Variants in DOCK7 observed in about 807,000 individuals in gnomAD.
DOCK7 encodes dedicator of cytokinesis 7.
DOCK7 carries 138 observed loss-of-function variants against 271.0 expected under a neutral mutation model. The observed-to-expected ratio is 0.51, with a 90% CI of 0.44 to 0.59. DOCK7 has a LOEUF of 0.59. DOCK7 is among the 20% of genes least tolerant of loss of function. The pLI, the probability that DOCK7 is intolerant of heterozygous loss-of-function variation, is 0.00. For missense variants in DOCK7, 2,066 were observed against 2,592.4 expected, an observed-to-expected ratio of 0.80 and a Z score of 4.41; for synonymous variants, 823 against 876.1, an observed-to-expected ratio of 0.94 and a Z score of 1.07.
chr1:62,552,662 C>T (rs1645947173), intron 22 of DOCK7, 70 bp downstream of exon 22: 3 of 1,441,310 alleles, frequency 2.1e-6, no homozygotes, highest in African/African-American at 1.4e-5. Flanking sequence ...GAATACATTA[C>T]AACAACTGGA....
chr1:62,487,350 G>A (rs1204177286), intron 43 of DOCK7, 48 bp downstream of exon 43: 1 of 1,581,856 alleles, frequency 6.3e-7, no homozygotes, highest in South Asian at 1.1e-5. Context: ...TAAGAAATCT[G>A]ATAAAATCAA....
chr1:62,545,121 A>G (rs566166357), intron 22 of DOCK7, 82 bp from the exon 23 acceptor site: 2 of 1,286,006 alleles, frequency 1.6e-6, no homozygotes, highest in East Asian at 2.6e-5. Flanking sequence ...AGAAATTCAG[A>G]TCTTCTAATG....
chr1:62,571,580 C>A (rs1449210755), intron 18 of DOCK7, among the ~76,000 whole-genome samples: 1 of 152,118 alleles, frequency 6.6e-6, no homozygotes, highest in Admixed American at 6.6e-5. Flanking sequence ...AGAAATCATT[C>A]TATTATAAAG....
At chr1:62,590,147 C>T (rs148663803) in intron 14 of DOCK7, among the ~76,000 whole-genome samples, 45 of 152,060 alleles carry the variant, frequency 3.0e-4, no homozygotes, top group South Asian at 6.2e-4. Flanking sequence ...AAAAATTCAA[C>T]GGGATTTAGC....
chr1:62,671,411 C>T (rs1464806009), intron 1 of DOCK7, among the ~76,000 whole-genome samples: 1 of 152,140 alleles, frequency 6.6e-6, no homozygotes, highest in Admixed American at 6.6e-5. Flanking sequence ...TACGAGAGCT[C>T]CTTCAGGGCA....
intron 25 of DOCK7, among the ~76,000 whole-genome samples, chr1:62,542,041 T>A (rs1021413610): frequency 3.3e-5 from 5 of 152,040 alleles, no homozygotes; most frequent in Admixed American, 6.6e-5. Context: ...TTAGCTAATT[T>A]AAAAAAAAAT....
chr1:62,625,738 C>T (rs1298583907), intron 11 of DOCK7, among the ~76,000 whole-genome samples: 2 of 152,194 alleles, frequency 1.3e-5, no homozygotes, highest in Middle Eastern at 3.2e-3. Flanking sequence ...AATCTTCCCT[C>T]AGTCTTAGCT....
chr1:62,456,473 TCAC>T (rs1645350871), intron 49 of DOCK7, among the ~76,000 whole-genome samples: 2 of 152,074 alleles, frequency 1.3e-5, no homozygotes, highest in Non-Finnish European at 2.9e-5. Flanking sequence ...TACAAAGAGA[TCAC>T]ATTGGCTTCA....
At chr1:62,639,034 T>C (rs942593988) in intron 7 of DOCK7, among the ~76,000 whole-genome samples, 3 of 152,160 alleles carry the variant, frequency 2.0e-5, no homozygotes, top group Non-Finnish European at 4.4e-5. Context: ...AGTGGGAATA[T>C]ATCAAGTACA....
At chr1:62,478,935 C>T (rs1646040562) in intron 43 of DOCK7, 1 of 151,980 alleles carries the variant, frequency 6.6e-6, no homozygotes, top group Non-Finnish European at 1.5e-5. Flanking sequence ...CAAATTCTTT[C>T]AATAAAGATA....
chr1:62,542,308 T>G (rs919099166), intron 25 of DOCK7, among the ~76,000 whole-genome samples: 2 of 152,108 alleles, frequency 1.3e-5, no homozygotes, highest in African/African-American at 4.8e-5. Flanking sequence ...CATTATACAC[T>G]TCATGTATAA....
At chr1:62,643,280 T>C (rs934356925) in intron 7 of DOCK7, among the ~76,000 whole-genome samples, 1 of 152,212 alleles carries the variant, frequency 6.6e-6, no homozygotes, top group Non-Finnish European at 1.5e-5. Context: ...CACAGAATTA[T>C]GAGAAATACT....
chr1:62,598,144 A>C, intron 14 of DOCK7: 4 of 1,294,482 alleles, frequency 3.1e-6, no homozygotes, highest in Non-Finnish European at 4.2e-6. Flanking sequence ...ATGCCATTTG[A>C]AATACTTTGT....
chr1:62,637,013 A>C (rs1046124312), intron 7 of DOCK7, among the ~76,000 whole-genome samples: 1 of 152,176 alleles, frequency 6.6e-6, no homozygotes, highest in Non-Finnish European at 1.5e-5. Context: ...ATCTTAGAAA[A>C]CACATGAATA....
chr1:62,682,271 G>A (rs911322452), intron 1 of DOCK7, among the ~76,000 whole-genome samples: 6 of 152,196 alleles, frequency 3.9e-5, no homozygotes, highest in African/African-American at 1.4e-4. Flanking sequence ...CATGATGAAA[G>A]CTGTGTTTTA....
In DOCK7 at chr1:62,601,222, C is replaced by T. The variant is rs150221026; in HGVS notation, c.1683-14598G>A. On this transcript the variant is annotated intron_variant, in intron 14 of 49. Transcript: ENST00000635253. ...GTAAGACACTTTGGTGGGTTTCCTT[C>T]TTGAAGCTATTATTATCAAATTCCC... 225 of 1,435,176 alleles carry T rather than the reference C, an allele frequency of 1.6e-4. No homozygotes were observed. The African/African-American group carries it at 2.7e-3, about 17-fold the overall frequency. The allele number at this position is 1,435,176 out of a possible 1,614,324, so 88.9% of individuals were successfully genotyped here. A position where few individuals can be genotyped will look rare whatever the true frequency, so the allele number is the denominator to read the frequency against.
intron 18 of DOCK7, among the ~76,000 whole-genome samples, chr1:62,562,089 T>C (rs1646342141): frequency 6.6e-6 from 1 of 151,804 alleles, no homozygotes; most frequent in South Asian, 2.1e-4. Context: ...TATTACATTG[T>C]GAATCTCTTT....
chr1:62,538,324 T>A (rs148752245), intron 27 of DOCK7, among the ~76,000 whole-genome samples: 25 of 152,238 alleles, frequency 1.6e-4, no homozygotes, highest in Admixed American at 5.9e-4. Context: ...TTTCTACTTC[T>A]CATAAAACAG....
At chr1:62,536,239 C>T (rs1227190602) in intron 28 of DOCK7, among the ~76,000 whole-genome samples, 2 of 152,074 alleles carry the variant, frequency 1.3e-5, no homozygotes, top group East Asian at 3.8e-4. Flanking sequence ...GCGAAATCTT[C>T]TCCTAATAAG....
Sources: allele counts gnomAD v4.1 joint callset (sites outside exome capture counted in the v4.1 genomes callset), GRCh38; gene constraint gnomAD v4.1.1; transcripts MANE v1.5; gene names NCBI Gene and HGNC (gene_info 2026-07-23, HGNC 2026-07-21).